Variants in RAB1A observed in about 807,000 individuals in gnomAD.
RAB1A encodes the protein ras-related protein Rab-1A.
RAB1A carries 2 observed loss-of-function variants against 26.0 expected under a neutral mutation model. The observed-to-expected ratio is 0.08, with a 90% CI of 0.03 to 0.24. RAB1A has a LOEUF of 0.24. Among genes scored for constraint, RAB1A ranks in the 10% least tolerant of loss-of-function variants. The pLI is 1.00. For synonymous variants in RAB1A, 84 were observed against 84.9 expected (o/e 0.99, Z 0.06); for missense variants, 100 against 247.0 (o/e 0.40, Z 3.99).
At chr2:65,093,283 G>A (rs941400670) in intron 3 of RAB1A, among the ~76,000 whole-genome samples, 3 of 152,076 alleles carry the variant, frequency 2.0e-5, no homozygotes, top group Non-Finnish European at 4.4e-5. Context: ...CCCATTGTCT[G>A]CCTCCTAATG....
At chr2:65,128,541 C>A (rs1204561681) in intron 1 of RAB1A, among the ~76,000 whole-genome samples, 2 of 152,152 alleles carry the variant, frequency 1.3e-5, no homozygotes, top group African/African-American at 4.8e-5. Flanking sequence ...ACATGAAATT[C>A]TAATAAAATA....
chr2:65,114,776 C>T (rs1157733730), intron 1 of RAB1A, among the ~76,000 whole-genome samples: 1 of 151,006 alleles, frequency 6.6e-6, no homozygotes, highest in African/African-American at 2.4e-5. Flanking sequence ...ACCCGGGAGG[C>T]GGAGCTTGCA....
intron 1 of RAB1A, among the ~76,000 whole-genome samples, chr2:65,122,529 T>A (rs1223209724): frequency 1.1e-4 from 17 of 152,162 alleles, no homozygotes; most frequent in Admixed American, 1.1e-3. Context: ...ATCACTGCAC[T>A]GTAGCCTGCG....
At chr2:65,091,293 A>C (rs1221617856) in intron 3 of RAB1A, among the ~76,000 whole-genome samples, 1 of 152,178 alleles carries the variant, frequency 6.6e-6, no homozygotes, top group Non-Finnish European at 1.5e-5. Context: ...AGCTTACGAT[A>C]ATAATACTAA....
At chr2:65,097,616 T>C (rs941717253) in intron 3 of RAB1A, among the ~76,000 whole-genome samples, 2 of 152,206 alleles carry the variant, frequency 1.3e-5, no homozygotes, top group Admixed American at 1.3e-4. Context: ...TCCTTTAATG[T>C]TCCATGCACT....
At position 65,125,065 on chromosome 2, in the gene RAB1A, A is replaced by AAC. The variant is rs34486977; in HGVS notation, c.23+4827_23+4828insGT. 2.1e-4 allele frequency among the ~76,000 whole-genome samples: 31 copies of AAC among 150,962 alleles called. No homozygotes were observed. In the East Asian group the frequency reaches 5.9e-3, roughly 29 times the overall value. On this transcript the variant is annotated intron_variant, in intron 1 of 5. Transcript: ENST00000409784. ...ACAATGCAAGCAAAAAAAAAAAAAA[A>AAC]GGTCAAATGTTTCTTGAGTATAACA...
At chr2:65,129,194 T>C (rs1178587202) in intron 1 of RAB1A, among the ~76,000 whole-genome samples, 3 of 143,666 alleles carry the variant, frequency 2.1e-5, no homozygotes, top group Admixed American at 6.9e-5. Context: ...TTAGGTGTCC[T>C]CTTTAAAAAA....
intron 1 of RAB1A, among the ~76,000 whole-genome samples, chr2:65,108,320 C>T (rs1669611740): frequency 6.8e-6 from 1 of 147,214 alleles, no homozygotes; most frequent in South Asian, 2.1e-4. Context: ...TGACATCACA[C>T]ACTCCAGCCT....
chr2:65,088,432 G>GT lies in RAB1A; in HGVS notation c.*60dup. The GT allele has an allele frequency of 7.0e-7, 1 of 1,425,754 alleles. No homozygotes were observed. The allele number at this position is 1,425,754 out of a possible 1,614,324, so 88.3% of individuals were successfully genotyped here. A position where few individuals can be genotyped will look rare whatever the true frequency, so the allele number is the denominator to read the frequency against. ...CATACAGTACAATTCAGGCAATTTT[G>GT]TTTTTTCACTTGGGTTCAGATTGCA... On this transcript the variant is annotated 3_prime_UTR_variant, in exon 6 of 6. Coordinates refer to ENST00000409784, the MANE Select transcript of RAB1A (RefSeq NM_004161.5).
intron 1 of RAB1A, among the ~76,000 whole-genome samples, chr2:65,123,147 C>A (rs1351462630): frequency 6.6e-6 from 1 of 151,518 alleles, no homozygotes; most frequent in East Asian, 1.9e-4. Context: ...GTGAATATAG[C>A]AGGATGTTAG....
intron 2 of RAB1A, among the ~76,000 whole-genome samples, chr2:65,099,683 C>T (rs1012324608): frequency 1.3e-5 from 2 of 152,146 alleles, no homozygotes; most frequent in South Asian, 2.1e-4. Context: ...AGAGTACAAT[C>T]GTAGCTTACT....
chr2:65,116,828 G>A (rs1429205664), intron 1 of RAB1A, among the ~76,000 whole-genome samples: 1 of 152,242 alleles, frequency 6.6e-6, no homozygotes, highest in Non-Finnish European at 1.5e-5. Flanking sequence ...GCATAAAACA[G>A]TAACATGCTC....
At chr2:65,090,875 T>C in intron 4 of RAB1A, 108 bp downstream of exon 4, 1 of 612,442 alleles carries the variant, frequency 1.6e-6, no homozygotes, top group East Asian at 3.2e-5. Context: ...TTTTCTGCCA[T>C]AAAATTAATA....
chr2:65,126,323 AAAAAG>A (rs983890923), intron 1 of RAB1A, among the ~76,000 whole-genome samples: 3 of 151,968 alleles, frequency 2.0e-5, no homozygotes, highest in Admixed American at 6.6e-5. Flanking sequence ...CGAAAAAAAG[AAAAAG>A]AAAAGAAAAC....
At chr2:65,124,969 C>T (rs1670063025) in intron 1 of RAB1A, among the ~76,000 whole-genome samples, 2 of 151,416 alleles carry the variant, frequency 1.3e-5, no homozygotes, top group African/African-American at 4.8e-5. Flanking sequence ...TTTCAAACCA[C>T]CACCAAAAGT....
At chr2:65,106,378 G>T in intron 1 of RAB1A, 1 of 339,460 alleles carries the variant, frequency 2.9e-6, no homozygotes. Context: ...TTATTTACAT[G>T]TAAACAAGAC....
At chr2:65,125,668 C>T (rs1670081256) in intron 1 of RAB1A, among the ~76,000 whole-genome samples, 1 of 151,222 alleles carries the variant, frequency 6.6e-6, no homozygotes, top group African/African-American at 2.4e-5. Context: ...CCCACCTCGG[C>T]CTCCCAAAGT....
At chr2:65,126,840 TCTTTC>T (rs1368358571) in intron 1 of RAB1A, among the ~76,000 whole-genome samples, 2 of 152,232 alleles carry the variant, frequency 1.3e-5, no homozygotes, top group South Asian at 2.1e-4. Flanking sequence ...AACTTTTCTT[TCTTTC>T]CTTTATTTTC....
At chr2:65,106,049 C>T (rs528165547) in intron 1 of RAB1A, among the ~76,000 whole-genome samples, 12 of 152,206 alleles carry the variant, frequency 7.9e-5, no homozygotes, top group Non-Finnish European at 1.5e-4. Context: ...TGTGAGCCAC[C>T]GCACCCAGTG....
Sources: gnomAD v4.1 joint callset for allele counts (sites outside exome capture counted in the v4.1 genomes callset) on GRCh38, gnomAD v4.1.1 for gene constraint, MANE v1.5 for transcripts, NCBI Gene and HGNC (gene_info 2026-07-23, HGNC 2026-07-21) for gene names.